Variants in IGF2R observed in about 807,000 individuals in gnomAD.
IGF2R encodes insulin like growth factor 2 receptor.
IGF2R carries 91 observed loss-of-function variants against 270.6 expected under a neutral mutation model. That is an observed-to-expected ratio of 0.34 (90% CI 0.28 to 0.40). The LOEUF (loss-of-function observed/expected upper bound fraction) is 0.40, where lower values mean the gene tolerates loss of function less well. IGF2R is among the 10% of genes least tolerant of loss of function. The probability of loss-of-function intolerance (pLI) is 1.00; values close to 1 mark genes in which losing one functional copy is unlikely to be tolerated. For synonymous variants in IGF2R, 1,316 were observed against 1,258.9 expected, an observed-to-expected ratio of 1.05 and a Z score of -0.96; for missense variants, 2,805 against 3,188.3, an observed-to-expected ratio of 0.88 and a Z score of 2.90.
intron 10 of IGF2R, among the ~76,000 whole-genome samples, chr6:160,037,191 A>G (rs1196558127): frequency 6.6e-6 from 1 of 152,030 alleles, no homozygotes; most frequent in Non-Finnish European, 1.5e-5. Context: ...ATGTTAAAAA[A>G]CCCATGTTTT....
intron 29 of IGF2R, among the ~76,000 whole-genome samples, chr6:160,065,816 A>ATG (rs1211533494): frequency 1.2e-4 from 5 of 42,488 alleles, no homozygotes; most frequent in African/African-American, 3.4e-4. Flanking sequence ...GTGTGTGTGT[A>ATG]TATATATATA....
chr6:160,032,799 C>T lies in IGF2R; in HGVS notation c.1045+86C>T, dbSNP rs954187653. 9 of 1,465,228 alleles carry T rather than the reference C, an allele frequency of 6.1e-6. No individual in the cohort carries two copies. In the East Asian group the frequency reaches 1.6e-4, roughly 26 times the overall value. 90.8% of individuals were successfully genotyped at this position (1,465,228 alleles called of 1,614,324 possible). The stretch of plus-strand genomic sequence containing the variant: ...CGGGACAGTAGGGGCCAAGTCAGTC[C>T]ATGCATGCTTCTGGGTTGGAGAGAG... On this transcript the variant is annotated intron_variant, in intron 8 of 47. Coordinates refer to ENST00000356956, the MANE Select transcript of IGF2R (RefSeq NM_000876.4).
chr6:160,025,732 T>G (rs2115225209), intron 5 of IGF2R, among the ~76,000 whole-genome samples: 1 of 152,320 alleles, frequency 6.6e-6, no homozygotes, highest in South Asian at 2.1e-4. Context: ...TAACCTTTAT[T>G]GATTTTTTGG....
intron 19 of IGF2R, 41 bp from the exon 20 acceptor site, chr6:160,056,383 A>T: frequency 7.6e-7 from 1 of 1,322,216 alleles, no homozygotes; most frequent in Non-Finnish European, 1.1e-6. Context: ...ATCAAGTTCC[A>T]TGTTACTGTA....
At chr6:160,046,795 A>G (rs1778077967) in intron 15 of IGF2R, 150 bp downstream of exon 15, 1 of 913,316 alleles carries the variant, frequency 1.1e-6, no homozygotes, top group Non-Finnish European at 1.6e-6. Context: ...GAAGGATGTT[A>G]GGAGTTTAAT....
chr6:160,007,902 C>G (rs1027945595), intron 2 of IGF2R, among the ~76,000 whole-genome samples: 1 of 152,184 alleles, frequency 6.6e-6, no homozygotes, highest in African/African-American at 2.4e-5. Flanking sequence ...AAATCTTTCT[C>G]TATCTTAAGA....
intron 23 of IGF2R, 75 bp downstream of exon 23, chr6:160,060,792 TTC>T: frequency 7.0e-7 from 1 of 1,436,834 alleles, no homozygotes; most frequent in Admixed American, 1.8e-5. Flanking sequence ...GAAGGTGTGT[TTC>T]TGTGTGTATG....
Position 160,079,762 on chromosome 6 carries a change from C to A in IGF2R, c.5661C>A (p.Tyr1887Ter). 1 of 1,457,440 alleles carries A rather than the reference C, an allele frequency of 6.9e-7. No individual in the cohort carries two copies. The highest frequency in any genetic ancestry group is 9.1e-7 in the Non-Finnish European group (1 of 1,100,750). 90.3% of individuals were successfully genotyped at this position (1,457,440 alleles called of 1,614,324 possible). A position where few individuals can be genotyped will look rare whatever the true frequency, so the allele number is the denominator to read the frequency against. ...AGGATGAAGCGGTCGTTTTAAGTTA[C>A]GTGAATGGTGATCGTTGCCCTCCAG... The part of the protein sequence containing the change: ...RHQDEAVVLS[Y>*]VNGDRCPPET... Residue 1887 changes from tyrosine (Y) to a stop codon, truncating the protein, a stop_gained, in exon 38 of 48, where the codon TAC (tyrosine) becomes TAA (stop). Transcript: ENST00000356956. LOFTEE classifies it high-confidence loss of function.
Position 160,041,424 on chromosome 6 carries a change from T to C in IGF2R, c.1480+700T>C, listed in dbSNP as rs188519930. On this transcript the variant is annotated intron_variant, in intron 11 of 47. Transcript: ENST00000356956. ...GTATGTTCTCGCTCGTAAGTGGGAG[T>C]TGAACATTGAGAACACATGGGCACA... is the stretch of plus-strand genomic sequence containing the variant. Among the ~76,000 whole-genome samples, 550 of 149,432 alleles carry C rather than the reference T, an allele frequency of 3.7e-3. 6 individuals carry two copies. Among genetic ancestry groups the C allele is most frequent in the African/African-American group, 0.013 (521 of 40,560 alleles).
In IGF2R at chr6:160,027,364, C is replaced by A. The variant is rs1777585553; in HGVS notation, c.776+50C>A. The A allele has an allele frequency of 5.1e-6, 8 of 1,559,834 alleles. No individual in the cohort carries two copies. In the South Asian group the frequency reaches 8.3e-5, roughly 16 times the overall value. On this transcript the variant is annotated intron_variant, in intron 6 of 47. Coordinates refer to ENST00000356956, the MANE Select transcript of IGF2R (RefSeq NM_000876.4). The stretch of plus-strand genomic sequence containing the variant: ...TGGCGTTTTTAATCTCCAGCAAGGA[C>A]CTGACTTTCAGGGAGCTGCAGGAAC...
Position 159,974,300 on chromosome 6 carries a change from C to G in IGF2R, c.149+4905C>G, listed in dbSNP as rs543759667. On this transcript the variant is annotated intron_variant, in intron 1 of 47. Transcript: ENST00000356956. ...AATCCTGGATGATGTTCACCATTAT[C>G]ATGTGCTTACTGACTGGGTATTTTT... Among the ~76,000 whole-genome samples the G allele has an allele frequency of 1.6e-4, 24 of 152,328 alleles. No individual in the cohort carries two copies. In the South Asian group the frequency reaches 4.1e-3, roughly 26 times the overall value.
chr6:160,068,174 G>A (rs1351611191), intron 29 of IGF2R, 75 bp from the exon 30 acceptor site: 4 of 1,503,502 alleles, frequency 2.7e-6, no homozygotes, highest in South Asian at 1.2e-5. Flanking sequence ...ATACTTGAAC[G>A]TTTCTAGACA....
rs1583282975 is a variant in IGF2R at position 160,056,321 on chromosome 6, T to A, written c.2695-103T>A. 7.8e-6 allele frequency: 6 copies of A among 765,984 alleles called. 1 individual carries two copies. The highest frequency in any genetic ancestry group is 7.5e-5 in the East Asian group (3 of 39,836). The allele number at this position is 765,984 out of a possible 1,614,324, so 47.4% of individuals were successfully genotyped here. Reference sequence around the variant, plus strand: ...CTTATTGGCTGACTCATAATAAACATCTAGCAGATTTTGGCTATTTTTATG... The same window carrying A: ...CTTATTGGCTGACTCATAATAAACAACTAGCAGATTTTGGCTATTTTTATG... On this transcript the variant is annotated intron_variant, in intron 19 of 47. Coordinates refer to ENST00000356956, the MANE Select transcript of IGF2R (RefSeq NM_000876.4).
At chr6:160,025,005 G>A (rs1215968046) in intron 5 of IGF2R, among the ~76,000 whole-genome samples, 1 of 152,078 alleles carries the variant, frequency 6.6e-6, no homozygotes, top group African/African-American at 2.4e-5. Flanking sequence ...GGTCGGTCTT[G>A]TTCTCTGTGT....
intron 1 of IGF2R, among the ~76,000 whole-genome samples, chr6:159,977,629 G>C (rs1011294550): frequency 2.6e-5 from 4 of 152,202 alleles, no homozygotes; most frequent in South Asian, 2.1e-4. Context: ...CTCCTCAAGA[G>C]GGGTGGGACT....
In IGF2R at chr6:160,048,520, C is replaced by T; in HGVS notation, c.2491C>T (p.Gln831Ter). 1 of 1,613,696 alleles carries T rather than the reference C, an allele frequency of 6.2e-7. No individual in the cohort carries two copies. Among genetic ancestry groups the T allele is most frequent in the Non-Finnish European group, 8.5e-7 (1 of 1,179,900 alleles). ...CTGCAACCGATATGCATCGGCTTGC[C>T]AGATGAAGTATGAAAAAGATCAGGT... ...PGCNRYASAC[Q>*]MKYEKDQGSF... Residue 831 changes from glutamine to a stop codon, truncating the protein, a stop_gained, in exon 18 of 48, where the codon CAG becomes TAG. Transcript: ENST00000356956. LOFTEE classifies it high-confidence loss of function.
chr6:160,084,891 A>G lies in IGF2R; in HGVS notation c.6069-104A>G. Reference sequence around the variant, plus strand: ...CATTCAGTGATGGAATGGAGCCCTTAGTTATCAGAACCTTTCTCTGAAAGT... The same window carrying G: ...CATTCAGTGATGGAATGGAGCCCTTGGTTATCAGAACCTTTCTCTGAAAGT... On this transcript the variant is annotated intron_variant, in intron 40 of 47. Coordinates refer to ENST00000356956, the MANE Select transcript of IGF2R (RefSeq NM_000876.4). The surrounding 1 kb of genome is among the most constrained non-coding windows in gnomAD (Gnocchi z 4.6). 1 of 1,068,928 alleles carries G rather than the reference A, an allele frequency of 9.4e-7. No individual in the cohort carries two copies. 66.2% of individuals were successfully genotyped at this position (1,068,928 alleles called of 1,614,324 possible).
intron 1 of IGF2R, among the ~76,000 whole-genome samples, chr6:159,982,505 G>C (rs1783821615): frequency 1.3e-5 from 2 of 152,214 alleles, no homozygotes; most frequent in Non-Finnish European, 2.9e-5. Flanking sequence ...TCTCTAGCTA[G>C]TGACCATGTA....
At chr6:160,047,645 T>C (rs1272068863) in intron 16 of IGF2R, 147 bp from the exon 17 acceptor site, 6 of 642,588 alleles carry the variant, frequency 9.3e-6, no homozygotes, top group Non-Finnish European at 1.7e-5. Flanking sequence ...CAGTCTTCTT[T>C]TTAATAAAAT....
Sources: gnomAD v4.1 joint callset for allele counts (sites outside exome capture counted in the v4.1 genomes callset) on GRCh38, gnomAD v4.1.1 for gene constraint, Gnocchi (gnomAD v3.1) non-coding constraint, MANE v1.5 for transcripts, NCBI Gene and HGNC (gene_info 2026-07-23, HGNC 2026-07-21) for gene names.